LHFPL7: variants seen among roughly 807,000 people sequenced by gnomAD.
LHFPL7 encodes the protein LHFPL tetraspan subfamily member 7 protein.
the LHFPL7 span, among the ~76,000 whole-genome samples, chr22:24,939,924 C>CTTTTTT: frequency 1.9e-3 from 165 of 86,958 alleles, 1 homozygote; most frequent in East Asian, 7.2e-3. Context: ...TCATTTATCG[C>CTTTTTT]TTTTTTTTTT....
At chr22:24,943,097 G>A in the LHFPL7 span, among the ~76,000 whole-genome samples, 7 of 151,708 alleles carry the variant, frequency 4.6e-5, no homozygotes, top group Admixed American at 2.0e-4. Flanking sequence ...GGTTTTTTTG[G>A]TGGTGGTGGT....
At chr22:24,942,892 A>AGAGTGTGT in the LHFPL7 span, among the ~76,000 whole-genome samples, 12 of 128,052 alleles carry the variant, frequency 9.4e-5, no homozygotes, top group African/African-American at 3.3e-4. Flanking sequence ...AAGGGGATAA[A>AGAGTGTGT]GTGTGTGTGT....
At chr22:24,940,608 AT>A in the LHFPL7 span, among the ~76,000 whole-genome samples, 406 of 114,098 alleles carry the variant, frequency 3.6e-3, 8 homozygotes, top group East Asian at 0.044. Flanking sequence ...AAAAAAAAAA[AT>A]AATAATAATT....
At chr22:24,935,119 T>G in the LHFPL7 span, 12 of 597,460 alleles carry the variant, frequency 2.0e-5, no homozygotes, top group Non-Finnish European at 3.5e-5. Flanking sequence ...GTGCTTTATT[T>G]ACACAGAGCA....
At chr22:24,938,153 C>G in the LHFPL7 span, 13 of 1,613,864 alleles carry the variant, frequency 8.1e-6, no homozygotes, top group Admixed American at 1.3e-4. Context: ...ATTTACCTGC[C>G]ACTGCCTGCA....
chr22:24,946,390 C>A, the LHFPL7 span, among the ~76,000 whole-genome samples: 1 of 151,966 alleles, frequency 6.6e-6, no homozygotes, highest in Non-Finnish European at 1.5e-5. Context: ...AGCAAGCATG[C>A]ACACATGAGC....
the LHFPL7 span, chr22:24,939,617 G>T: frequency 1.4e-6 from 1 of 692,222 alleles, no homozygotes; most frequent in South Asian, 1.5e-5. Context: ...GGGGCTGGCC[G>T]AGGTGCTCCC....
At chr22:24,939,602 A>ACTC in the LHFPL7 span, 2 of 696,060 alleles carry the variant, frequency 2.9e-6, no homozygotes, top group Non-Finnish European at 2.6e-6. Context: ...GGACAAGGAG[A>ACTC]GAAAGGGGCT....
chr22:24,935,133 C>G, the LHFPL7 span: 1 of 640,046 alleles, frequency 1.6e-6, no homozygotes, highest in Non-Finnish European at 2.6e-6. Flanking sequence ...CAGAGCATCT[C>G]CAGTGAATTC....
chr22:24,944,305 A>C, the LHFPL7 span, among the ~76,000 whole-genome samples: 1 of 152,142 alleles, frequency 6.6e-6, no homozygotes, highest in South Asian at 2.1e-4. Flanking sequence ...GCCCTAGAGA[A>C]AAATGAAGCG....
At chr22:24,935,473 T>C in the LHFPL7 span, 503 of 1,614,088 alleles carry the variant, frequency 3.1e-4, 8 homozygotes, top group South Asian at 5.3e-3. Flanking sequence ...ATAGCAGTCA[T>C]GTAACCCCAA....
At chr22:24,939,332 C>T in the LHFPL7 span, 1 of 702,924 alleles carries the variant, frequency 1.4e-6, no homozygotes, top group Non-Finnish European at 2.6e-6. Context: ...AGCCAGCTCT[C>T]ACCTTCCAGG....
chr22:24,935,358 A>G, the LHFPL7 span: 1 of 1,613,664 alleles, frequency 6.2e-7, no homozygotes, highest in South Asian at 1.1e-5. Context: ...TGGCACAAAG[A>G]TGATTCTCTC....
the LHFPL7 span, chr22:24,939,559 G>T: frequency 1.4e-6 from 1 of 702,296 alleles, no homozygotes; most frequent in African/African-American, 1.7e-5. Context: ...TGACCTAGGG[G>T]TCAACAGGGA....
chr22:24,940,913 A>C, the LHFPL7 span, among the ~76,000 whole-genome samples: 2 of 151,874 alleles, frequency 1.3e-5, no homozygotes, highest in African/African-American at 4.8e-5. Context: ...GGGGCAGCTA[A>C]TTTTTATTTA....
the LHFPL7 span, among the ~76,000 whole-genome samples, chr22:24,945,225 G>A: frequency 5.6e-4 from 85 of 152,276 alleles, no homozygotes; most frequent in Admixed American, 1.7e-3. Context: ...TGTGAGTGTG[G>A]TAGGGAGTCT....
chr22:24,936,289 C>T, the LHFPL7 span, among the ~76,000 whole-genome samples: 1 of 152,224 alleles, frequency 6.6e-6, no homozygotes, highest in East Asian at 1.9e-4. Context: ...CCACCCATCT[C>T]TCATCCTACA....
the LHFPL7 span, among the ~76,000 whole-genome samples, chr22:24,941,405 G>C: frequency 6.6e-6 from 1 of 151,966 alleles, no homozygotes; most frequent in South Asian, 2.1e-4. Flanking sequence ...TGCATTCTGC[G>C]TCTTACTTTT....
the LHFPL7 span, among the ~76,000 whole-genome samples, chr22:24,936,592 C>T: frequency 1.3e-5 from 2 of 152,204 alleles, no homozygotes; most frequent in Non-Finnish European, 2.9e-5. Context: ...TAAAAGAAAT[C>T]AGAAGATCCC....
Sources: gnomAD v4.1 joint callset for allele counts (sites outside exome capture counted in the v4.1 genomes callset) on GRCh38, gnomAD v4.1.1 for gene constraint, MANE v1.5 for transcripts, NCBI Gene and HGNC (gene_info 2026-07-23, HGNC 2026-07-21) for gene names.